The following SLC2A13 variants were observed in gnomAD, a reference collection of about 807,000 sequenced individuals.
The protein encoded by SLC2A13 is proton myo-inositol cotransporter.
In SLC2A13, 32 loss-of-function variants were observed where a neutral mutation model predicts 64.4. That is an observed-to-expected ratio of 0.50 (90% CI 0.37 to 0.67). The LOEUF (loss-of-function observed/expected upper bound fraction) is 0.67. Among genes scored for constraint, SLC2A13 ranks in the 30% least tolerant of loss-of-function variants. The pLI is 0.00. For missense variants in SLC2A13, 743 were observed against 829.2 expected, an observed-to-expected ratio of 0.90 and a Z score of 1.28; for synonymous variants, 338 against 327.1, an observed-to-expected ratio of 1.03 and a Z score of -0.36.
In SLC2A13 at chr12:40,080,414, G is replaced by A. The variant is rs866640311; in HGVS notation, c.556+24839C>T. 2.0e-5 allele frequency among the ~76,000 whole-genome samples: 3 copies of A among 151,932 alleles called. No homozygotes were observed. The South Asian group carries it at 6.2e-4, about 32-fold the overall frequency. On this transcript the variant is annotated intron_variant, in intron 1 of 9. Coordinates refer to ENST00000280871, the MANE Select transcript of SLC2A13 (RefSeq NM_052885.4). ...CAAGGTTTTGTTTTGTTTTTGAGAG[G>A]GGGCCTTGCTCTGTCACCCAGACTG...
At chr12:39,764,315 C>A (rs934663083) in intron 9 of SLC2A13, 145 bp downstream of exon 9, 3 of 671,364 alleles carry the variant, frequency 4.5e-6, no homozygotes, top group Non-Finnish European at 7.0e-6. Flanking sequence ...ATTTCCGATG[C>A]CTTTGGAGGA....
chr12:40,024,326 A>T (rs1947770004), intron 3 of SLC2A13, among the ~76,000 whole-genome samples: 2 of 152,228 alleles, frequency 1.3e-5, no homozygotes, highest in African/African-American at 4.8e-5. Flanking sequence ...GTTAGTTCTT[A>T]CTGCAATATC....
Position 39,962,976 on chromosome 12 carries a change from A to T in SLC2A13, c.926-11611T>A, listed in dbSNP as rs77297420. On this transcript the variant is annotated intron_variant, in intron 3 of 9. Coordinates refer to ENST00000280871, the MANE Select transcript of SLC2A13 (RefSeq NM_052885.4). ...AAGCTCTCTAGTAGAATTTCTCCATAGCTGAATACAATTTCAAAGTTTTAC... is the reference window on the plus strand; with the variant it reads ...AAGCTCTCTAGTAGAATTTCTCCATTGCTGAATACAATTTCAAAGTTTTAC... 4.6e-5 allele frequency among the ~76,000 whole-genome samples: 7 copies of T among 152,326 alleles called. No individual in the cohort carries two copies. In the East Asian group the frequency reaches 1.2e-3, roughly 25 times the overall value.
At chr12:39,781,359 T>A (rs577034787) in intron 7 of SLC2A13, among the ~76,000 whole-genome samples, 59 of 145,368 alleles carry the variant, frequency 4.1e-4, no homozygotes, top group Non-Finnish European at 6.7e-4. Flanking sequence ...GAGCCCAGCT[T>A]CCCACTGAGG....
Position 39,874,336 on chromosome 12 carries a change from G to A in SLC2A13, c.1035-2375C>T, listed in dbSNP as rs1010823859. Among the ~76,000 whole-genome samples, 12 of 152,014 alleles carry A rather than the reference G, an allele frequency of 7.9e-5. No individual in the cohort carries two copies. The South Asian group carries it at 8.3e-4, about 11-fold the overall frequency. On this transcript the variant is annotated intron_variant, in intron 4 of 9. Transcript: ENST00000280871. ...ACAGAATGCATACAAATGAGGGGCC[G>A]GGCACGGTGGCTCACACCTGTAATC... is the stretch of plus-strand genomic sequence containing the variant.
At chr12:40,103,097 A>G (rs929560935) in intron 1 of SLC2A13, among the ~76,000 whole-genome samples, 1 of 152,166 alleles carries the variant, frequency 6.6e-6, no homozygotes, top group African/African-American at 2.4e-5. Context: ...GGGCTTCTCT[A>G]TTGAACCAAC....
At chr12:39,808,934 C>A (rs1402233462) in intron 7 of SLC2A13, among the ~76,000 whole-genome samples, 3 of 151,828 alleles carry the variant, frequency 2.0e-5, no homozygotes, top group Admixed American at 1.3e-4. Context: ...TCCAATATAT[C>A]AATTTTTTCT....
At chr12:39,994,668 C>A (rs915030161) in intron 3 of SLC2A13, among the ~76,000 whole-genome samples, 1 of 151,954 alleles carries the variant, frequency 6.6e-6, no homozygotes, top group Admixed American at 6.6e-5. Flanking sequence ...TCTACCTGGG[C>A]GTAATAAACA....
intron 4 of SLC2A13, among the ~76,000 whole-genome samples, chr12:39,915,224 A>G (rs1945503617): frequency 6.6e-6 from 1 of 152,008 alleles, no homozygotes. Context: ...AAGCATTTAG[A>G]AGAAGATATA....
intron 1 of SLC2A13, among the ~76,000 whole-genome samples, chr12:40,082,122 G>C (rs11175102): frequency 6.6e-6 from 1 of 152,110 alleles, no homozygotes; most frequent in Non-Finnish European, 1.5e-5. Context: ...AAAGGGCTTC[G>C]GCAAGGCAGC....
chr12:39,977,158 T>C (rs1946775689), intron 3 of SLC2A13, among the ~76,000 whole-genome samples: 1 of 152,168 alleles, frequency 6.6e-6, no homozygotes, highest in Non-Finnish European at 1.5e-5. Context: ...ATTCAAGCTC[T>C]ATATAGATTA....
At chr12:39,866,945 G>A (rs1475077353) in intron 5 of SLC2A13, among the ~76,000 whole-genome samples, 1 of 152,144 alleles carries the variant, frequency 6.6e-6, no homozygotes, top group African/African-American at 2.4e-5. Context: ...GGCCAATAAT[G>A]CGATAAAACT....
At position 40,002,842 on chromosome 12, in the gene SLC2A13, T is replaced by C. The variant is rs542610341; in HGVS notation, c.925+25459A>G. Among the ~76,000 whole-genome samples the C allele has an allele frequency of 3.4e-3, 270 of 79,904 alleles. 2 individuals are homozygous for C. The highest frequency in any genetic ancestry group is 0.011 in the African/African-American group (215 of 20,382). 52.4% of individuals were successfully genotyped at this position (79,904 alleles called of 152,430 possible). A position where few individuals can be genotyped will look rare whatever the true frequency, so the allele number is the denominator to read the frequency against. ...AGGGTATGGCTGAGTATAGTGTATA[T>C]TCCCCTAAAAAAAAAAAATGGGAGA... On this transcript the variant is annotated intron_variant, in intron 3 of 9. Transcript: ENST00000280871.
chr12:39,922,473 T>C (rs1472623956), intron 4 of SLC2A13, among the ~76,000 whole-genome samples: 1 of 152,236 alleles, frequency 6.6e-6, no homozygotes, highest in African/African-American at 2.4e-5. Flanking sequence ...ACTAAGACTC[T>C]GTCCTCTAAC....
At chr12:39,773,525 A>G (rs1940662186) in intron 7 of SLC2A13, among the ~76,000 whole-genome samples, 1 of 152,242 alleles carries the variant, frequency 6.6e-6, no homozygotes. Context: ...GCCTTTTAAA[A>G]TGTTACCTCT....
chr12:39,935,961 CCTT>C (rs71845385), intron 4 of SLC2A13, among the ~76,000 whole-genome samples: 19,024 of 152,170 alleles, frequency 0.13, 1,233 homozygotes, highest in South Asian at 0.23. Context: ...CTTTACACAC[CCTT>C]CTTTATATAC....
At chr12:39,788,288 T>C (rs1437597173) in intron 7 of SLC2A13, among the ~76,000 whole-genome samples, 3 of 152,126 alleles carry the variant, frequency 2.0e-5, no homozygotes, top group African/African-American at 7.2e-5. Context: ...AAAACAATTA[T>C]AACAGTATGC....
chr12:39,925,022 T>C (rs1027909241), intron 4 of SLC2A13, among the ~76,000 whole-genome samples: 22 of 137,400 alleles, frequency 1.6e-4, no homozygotes, highest in Non-Finnish European at 2.7e-4. Context: ...GTCCTATACA[T>C]ACAGATAATT....
In SLC2A13 at chr12:39,891,307, C is replaced by T. The variant is rs188897624; in HGVS notation, c.1035-19346G>A. Among the ~76,000 whole-genome samples the T allele has an allele frequency of 9.2e-5, 14 of 151,680 alleles. No individual in the cohort carries two copies. In the East Asian group the frequency reaches 2.1e-3, roughly 23 times the overall value. ...GATAACTGCTTCTTTACTTTCCTGA[C>T]TCCTCCACTGAACTCTCAGCAACTG... On this transcript the variant is annotated intron_variant, in intron 4 of 9. Transcript: ENST00000280871.
Sources: allele counts gnomAD v4.1 joint callset (sites outside exome capture counted in the v4.1 genomes callset), GRCh38; gene constraint gnomAD v4.1.1; transcripts MANE v1.5; gene names NCBI Gene and HGNC (gene_info 2026-07-23, HGNC 2026-07-21).